Variants in RANBP2 observed in about 807,000 individuals in gnomAD.
RANBP2 encodes E3 SUMO-protein ligase RanBP2.
A neutral mutation model predicts 303.6 loss-of-function variants in RANBP2; 57 were observed. That is an observed-to-expected ratio of 0.19 (90% CI 0.15 to 0.23). The LOEUF is 0.23. RANBP2 is among the 10% of genes least tolerant of loss of function. The pLI, the probability that RANBP2 is intolerant of heterozygous loss-of-function variation, is 1.00. For missense variants in RANBP2, 3,138 were observed against 3,780.8 expected (o/e 0.83, Z 4.46); for synonymous variants, 1,167 against 1,301.5 (o/e 0.90, Z 2.23).
chr2:108,828,648 A>G, the RANBP2 span, among the ~76,000 whole-genome samples: 1 of 152,192 alleles, frequency 6.6e-6, no homozygotes, highest in Non-Finnish European at 1.5e-5. Flanking sequence ...ACCCTCATGC[A>G]ACAAAATGAG....
At chr2:109,443,414 G>A in the RANBP2 span, among the ~76,000 whole-genome samples, 1 of 152,098 alleles carries the variant, frequency 6.6e-6, no homozygotes, top group South Asian at 2.1e-4. Flanking sequence ...ACCTCAGCTG[G>A]GAATATGAGT....
chr2:109,474,242 T>G, the RANBP2 span, among the ~76,000 whole-genome samples: 1 of 152,136 alleles, frequency 6.6e-6, no homozygotes, highest in African/African-American at 2.4e-5. Flanking sequence ...TGGGCACATT[T>G]GTCTGCAGCA....
chr2:109,119,320 C>T, the RANBP2 span, among the ~76,000 whole-genome samples: 1 of 152,250 alleles, frequency 6.6e-6, no homozygotes, highest in Non-Finnish European at 1.5e-5. Flanking sequence ...GAAACAGTCC[C>T]ATTGCTCTTC....
At chr2:108,775,149 A>G (rs981755171) in intron 23 of RANBP2, among the ~76,000 whole-genome samples, 2 of 152,130 alleles carry the variant, frequency 1.3e-5, no homozygotes, top group Non-Finnish European at 2.9e-5. Context: ...AGTTTGAAAT[A>G]TTTTATTTTC....
the RANBP2 span, among the ~76,000 whole-genome samples, chr2:109,435,805 C>G: frequency 6.6e-6 from 1 of 152,194 alleles, no homozygotes; most frequent in Non-Finnish European, 1.5e-5. Flanking sequence ...AAAGTGAGCT[C>G]AACAGATGAT....
the RANBP2 span, among the ~76,000 whole-genome samples, chr2:108,796,021 G>T: frequency 2.0e-5 from 3 of 152,074 alleles, no homozygotes; most frequent in East Asian, 5.8e-4. Context: ...TGGATTAACT[G>T]GTTTAATCAG....
the RANBP2 span, among the ~76,000 whole-genome samples, chr2:108,976,205 A>G: frequency 6.6e-6 from 1 of 152,184 alleles, no homozygotes; most frequent in Non-Finnish European, 1.5e-5. Flanking sequence ...TTGGCTAACA[A>G]GACAATTTCT....
the RANBP2 span, among the ~76,000 whole-genome samples, chr2:109,637,856 GCTGAGGC>G: frequency 1.3e-5 from 2 of 152,094 alleles, no homozygotes; most frequent in Admixed American, 1.3e-4. Flanking sequence ...CCTACAAGAG[GCTGAGGC>G]AGGAGAATCG....
the RANBP2 span, among the ~76,000 whole-genome samples, chr2:109,606,672 C>CTTTTTTTTTTTTT: frequency 7.0e-5 from 5 of 71,896 alleles, 1 homozygote; most frequent in African/African-American, 1.1e-4. Context: ...AAATTTTAAG[C>CTTTTTTTTTTTTT]TTTTTTTTTT....
At chr2:109,427,929 C>T in the RANBP2 span, among the ~76,000 whole-genome samples, 9 of 152,366 alleles carry the variant, frequency 5.9e-5, no homozygotes, top group African/African-American at 1.7e-4. Context: ...GCGCACGCTC[C>T]TCTGAGCATC....
the RANBP2 span, among the ~76,000 whole-genome samples, chr2:109,283,052 A>C: frequency 6.6e-6 from 1 of 152,196 alleles, no homozygotes; most frequent in Non-Finnish European, 1.5e-5. Context: ...TGCAGACAGA[A>C]GGTAAGTCCA....
At chr2:109,108,818 G>C in the RANBP2 span, among the ~76,000 whole-genome samples, 2 of 152,146 alleles carry the variant, frequency 1.3e-5, no homozygotes, top group Admixed American at 6.6e-5. Flanking sequence ...CTCAGTCTTT[G>C]CCGCCTCCCT....
At chr2:109,197,888 C>G in the RANBP2 span, among the ~76,000 whole-genome samples, 1 of 152,244 alleles carries the variant, frequency 6.6e-6, no homozygotes, top group African/African-American at 2.4e-5. Flanking sequence ...ACTGCACTTG[C>G]CTTTTGCATC....
At chr2:109,676,000 T>A in the RANBP2 span, among the ~76,000 whole-genome samples, 69 of 152,300 alleles carry the variant, frequency 4.5e-4, no homozygotes, top group Non-Finnish European at 9.1e-4. Flanking sequence ...GAAGACTAGA[T>A]CTATGCACCC....
the RANBP2 span, among the ~76,000 whole-genome samples, chr2:108,916,686 T>C: frequency 1.3e-5 from 2 of 152,150 alleles, no homozygotes; most frequent in African/African-American, 4.8e-5. Context: ...ATGCTTGCTC[T>C]GAGCACGTGT....
chr2:108,907,227 A>G, the RANBP2 span, among the ~76,000 whole-genome samples: 1 of 152,114 alleles, frequency 6.6e-6, no homozygotes, highest in Non-Finnish European at 1.5e-5. Context: ...TGTCTAGAAA[A>G]TTGTCTGGTT....
the RANBP2 span, among the ~76,000 whole-genome samples, chr2:109,417,714 A>C: frequency 6.6e-6 from 1 of 152,212 alleles, no homozygotes; most frequent in Admixed American, 6.5e-5. Flanking sequence ...TCATTCTGCC[A>C]GGCGCACTGG....
the RANBP2 span, among the ~76,000 whole-genome samples, chr2:109,375,467 C>T: frequency 6.6e-6 from 1 of 152,236 alleles, no homozygotes; most frequent in Non-Finnish European, 1.5e-5. Flanking sequence ...CCTGGCCTCT[C>T]ACCCTCTGGA....
the RANBP2 span, among the ~76,000 whole-genome samples, chr2:109,266,499 T>C: frequency 6.6e-6 from 1 of 152,110 alleles, no homozygotes; most frequent in African/African-American, 2.4e-5. Context: ...ATCTGCCCCT[T>C]CACTGCCTTC....
Sources: allele counts gnomAD v4.1 joint callset (sites outside exome capture counted in the v4.1 genomes callset), GRCh38; gene constraint gnomAD v4.1.1; transcripts MANE v1.5; gene names NCBI Gene and HGNC (gene_info 2026-07-23, HGNC 2026-07-21).